GNA12: variants seen among roughly 807,000 people sequenced by gnomAD.
The protein encoded by GNA12 is G protein subunit alpha 12.
GNA12 carries 9 observed loss-of-function variants against 26.0 expected under a neutral mutation model. The ratio of observed to expected loss-of-function variants is 0.35; its 90% CI spans 0.21 to 0.60. The LOEUF is 0.60. GNA12 is among the 20% of genes least tolerant of loss of function. GNA12 has a pLI of 0.78. For synonymous variants in GNA12, 264 were observed against 219.6 expected, an observed-to-expected ratio of 1.20 and a Z score of -1.79; for missense variants, 405 against 525.8, an observed-to-expected ratio of 0.77 and a Z score of 2.25.
intron 2 of GNA12, among the ~76,000 whole-genome samples, chr7:2,778,705 T>C (rs1272427576): frequency 6.6e-6 from 1 of 152,236 alleles, no homozygotes; most frequent in Non-Finnish European, 1.5e-5. Flanking sequence ...TGGTGCTAGA[T>C]GTTTTCACAT....
At chr7:2,770,619 T>C (rs575578442) in intron 2 of GNA12, among the ~76,000 whole-genome samples, 15 of 151,572 alleles carry the variant, frequency 9.9e-5, no homozygotes, top group African/African-American at 3.1e-4. Context: ...CTGGGCCACA[T>C]AGTGAGACTC....
chr7:2,817,831 T>C (rs1793250617), intron 1 of GNA12, among the ~76,000 whole-genome samples: 1 of 152,244 alleles, frequency 6.6e-6, no homozygotes. Context: ...CTATTAATTG[T>C]GAATAAGGAA....
chr7:2,838,766 A>G (rs1322426467), intron 1 of GNA12, among the ~76,000 whole-genome samples: 2 of 152,220 alleles, frequency 1.3e-5, no homozygotes, highest in Admixed American at 1.3e-4. Context: ...AATATCTGAT[A>G]ATGGAGACTT....
At chr7:2,819,693 T>C (rs1793302041) in intron 1 of GNA12, among the ~76,000 whole-genome samples, 1 of 152,074 alleles carries the variant, frequency 6.6e-6, no homozygotes, top group African/African-American at 2.4e-5. Flanking sequence ...TCATTCACCA[T>C]CGAGGAAAGG....
At chr7:2,768,671 A>G (rs1374263995) in intron 2 of GNA12, among the ~76,000 whole-genome samples, 2 of 124,102 alleles carry the variant, frequency 1.6e-5, no homozygotes, top group South Asian at 2.4e-4. Flanking sequence ...CAAGGTAAAA[A>G]AAAAACAAAA....
chr7:2,807,548 CTT>C (rs1421451514), intron 1 of GNA12, among the ~76,000 whole-genome samples: 1 of 150,832 alleles, frequency 6.6e-6, no homozygotes, highest in African/African-American at 2.4e-5. Context: ...ACAGAAATCT[CTT>C]TGAATTAATG....
At chr7:2,791,797 G>T (rs1792526615) in intron 2 of GNA12, among the ~76,000 whole-genome samples, 1 of 152,148 alleles carries the variant, frequency 6.6e-6, no homozygotes, top group African/African-American at 2.4e-5. Flanking sequence ...CTGTAATTGT[G>T]TATTTTGACA....
At chr7:2,743,454 T>G (rs2115335863) in intron 2 of GNA12, among the ~76,000 whole-genome samples, 1 of 152,334 alleles carries the variant, frequency 6.6e-6, no homozygotes, top group South Asian at 2.1e-4. Context: ...GATACTGGGA[T>G]GGCTTGACAC....
intron 1 of GNA12, among the ~76,000 whole-genome samples, chr7:2,797,259 C>T (rs1488958271): frequency 2.0e-5 from 3 of 152,164 alleles, no homozygotes; most frequent in Admixed American, 6.5e-5. Flanking sequence ...GATCCTTGCC[C>T]GTAGCCTCTC....
chr7:2,822,640 G>C lies in GNA12; in HGVS notation c.309+21213C>G, dbSNP rs548931699. Among the ~76,000 whole-genome samples the C allele has an allele frequency of 1.3e-4, 20 of 152,248 alleles. No homozygotes were observed. The East Asian group carries it at 3.9e-3, about 29-fold the overall frequency. ...TTGAGACCAGGCTGGGCAACATAGT[G>C]AGTCCTTGTTTCTACAGAAAAATTA... On this transcript the variant is annotated intron_variant, in intron 1 of 3. Transcript: ENST00000275364.
intron 1 of GNA12, among the ~76,000 whole-genome samples, chr7:2,810,654 T>C (rs924131841): frequency 4.6e-5 from 7 of 152,108 alleles, no homozygotes; most frequent in Admixed American, 2.6e-4. Context: ...CCCAGCACTT[T>C]GGGAGGCTGA....
chr7:2,844,187 C>G lies in GNA12; in HGVS notation c.-26G>C. 1 of 977,752 alleles carries G rather than the reference C, an allele frequency of 1.0e-6. No individual in the cohort carries two copies. The highest frequency in any genetic ancestry group is 1.2e-6 in the Non-Finnish European group (1 of 825,206). The allele number at this position is 977,752 out of a possible 1,614,324, so 60.6% of individuals were successfully genotyped here. A position where few individuals can be genotyped will look rare whatever the true frequency, so the allele number is the denominator to read the frequency against. On this transcript the variant is annotated 5_prime_UTR_variant, in exon 1 of 4. Transcript: ENST00000275364. ...GGCCCCTCAGGCCGCGGCCGCGCCC[C>G]GCCGGCGCCCGGGGGCCATGGACGC...
At chr7:2,737,448 C>T (rs1583212950) in intron 2 of GNA12, among the ~76,000 whole-genome samples, 1 of 151,862 alleles carries the variant, frequency 6.6e-6, no homozygotes, top group Non-Finnish European at 1.5e-5. Context: ...ACTACCACAC[C>T]CGGCTAACTT....
chr7:2,733,351 G>A lies in GNA12; in HGVS notation c.576+100C>T, dbSNP rs1789996098. On this transcript the variant is annotated intron_variant, in intron 3 of 3. Transcript: ENST00000275364. Reference sequence around the variant, plus strand: ...TAATGTGACAGAACAAGCTCGGCCTGTCAGTCCAGCCAAAGTCCTCACAAC... The same window carrying A: ...TAATGTGACAGAACAAGCTCGGCCTATCAGTCCAGCCAAAGTCCTCACAAC... The A allele has an allele frequency of 1.4e-5, 13 of 919,466 alleles. No individual in the cohort carries two copies. In the South Asian group the frequency reaches 1.7e-4, roughly 12 times the overall value. 57.0% of individuals were successfully genotyped at this position (919,466 alleles called of 1,614,324 possible).
At chr7:2,808,622 A>G (rs959209010) in intron 1 of GNA12, among the ~76,000 whole-genome samples, 1 of 152,202 alleles carries the variant, frequency 6.6e-6, no homozygotes, top group African/African-American at 2.4e-5. Context: ...CTGTCAGCCA[A>G]TGCCGTGGTT....
chr7:2,844,142 G>A lies in GNA12; in HGVS notation c.20C>T (p.Thr7Ile). 1 of 986,128 alleles carries A rather than the reference G, an allele frequency of 1.0e-6. No individual in the cohort carries two copies. Among genetic ancestry groups the A allele is most frequent in the Non-Finnish European group, 1.2e-6 (1 of 832,196 alleles). 61.1% of individuals were successfully genotyped at this position (986,128 alleles called of 1,614,324 possible). A position where few individuals can be genotyped will look rare whatever the true frequency, so the allele number is the denominator to read the frequency against. Reference protein sequence around the residue: MSGVVRTLSRCLLPAEA... With the variant: MSGVVRILSRCLLPAEA... ...GGCCGGCAGCAGGCAGCGGCTGAGG[G>A]TCCGCACCACCCCGGACATGGCCCC... is the stretch of plus-strand genomic sequence containing the variant. The change falls in exon 1 of 4, where the codon ACC becomes ATC. Residue 7 changes from threonine to isoleucine, a missense_variant. Physicochemically the swap from Thr to Ile is moderately conservative, Grantham distance 89 (BLOSUM62 -1). Coordinates refer to ENST00000275364, the MANE Select transcript of GNA12 (RefSeq NM_007353.3).
intron 2 of GNA12, among the ~76,000 whole-genome samples, chr7:2,765,875 G>GCCCCCC (rs71026552): frequency 1.8e-4 from 27 of 147,822 alleles, no homozygotes; most frequent in African/African-American, 2.5e-4. Context: ...GTGATCCAGG[G>GCCCCCC]CCCCCCTCCC....
intron 2 of GNA12, among the ~76,000 whole-genome samples, chr7:2,743,790 A>G (rs910957785): frequency 1.3e-5 from 2 of 152,166 alleles, no homozygotes; most frequent in Admixed American, 1.3e-4. Context: ...AAGGGGTGAC[A>G]CATAGCACCT....
chr7:2,803,945 AC>A (rs1792879266), intron 1 of GNA12, among the ~76,000 whole-genome samples: 1 of 151,894 alleles, frequency 6.6e-6, no homozygotes, highest in Non-Finnish European at 1.5e-5. Flanking sequence ...CATCTCCCCA[AC>A]CCCCACCCGC....
Sources: gnomAD v4.1 joint callset for allele counts (sites outside exome capture counted in the v4.1 genomes callset) on GRCh38, gnomAD v4.1.1 for gene constraint, MANE v1.5 for transcripts, NCBI Gene and HGNC (gene_info 2026-07-23, HGNC 2026-07-21) for gene names.